Variants in FAM124B observed in about 807,000 individuals in gnomAD.
The protein encoded by FAM124B is protein FAM124B.
FAM124B carries 18 observed loss-of-function variants against 19.7 expected under a neutral mutation model. The observed-to-expected ratio is 0.92, with a 90% CI of 0.63 to 1.36. The LOEUF is 1.36. Among genes scored for constraint, FAM124B ranks in the 40% most tolerant of loss-of-function variants. The pLI is 0.00. For synonymous variants in FAM124B, 223 were observed against 225.2 expected, an observed-to-expected ratio of 0.99 and a Z score of 0.09; for missense variants, 540 against 553.3, an observed-to-expected ratio of 0.98 and a Z score of 0.24.
intron 1 of FAM124B, among the ~76,000 whole-genome samples, chr2:224,383,947 C>T (rs1335999473): frequency 6.6e-6 from 1 of 152,202 alleles, no homozygotes; most frequent in East Asian, 1.9e-4. Context: ...AGAAAGAAAT[C>T]AATAACTTTG....
chr2:224,383,489 CCTTTCCTTT>C (rs1270879082), intron 1 of FAM124B, among the ~76,000 whole-genome samples: 1 of 152,090 alleles, frequency 6.6e-6, no homozygotes, highest in East Asian at 1.9e-4. Context: ...TCCTGCCCTT[CCTTTCCTTT>C]CTTTCCTTTT....
chr2:224,383,967 C>A (rs1689763369), intron 1 of FAM124B, among the ~76,000 whole-genome samples: 2 of 152,204 alleles, frequency 1.3e-5, no homozygotes. Context: ...GACTCTGGGG[C>A]TTGTATTTCA....
chr2:224,400,563 C>A (rs1690049814), intron 1 of FAM124B: 1 of 676,096 alleles, frequency 1.5e-6, no homozygotes, highest in South Asian at 1.6e-5. Context: ...AGTATGACTT[C>A]AACTTCCTTA....
chr2:224,383,462 C>T (rs751317845), intron 1 of FAM124B, among the ~76,000 whole-genome samples: 5 of 152,044 alleles, frequency 3.3e-5, no homozygotes, highest in Non-Finnish European at 7.4e-5. Context: ...TCCTTTCTTC[C>T]TTCTCTCCTT....
intron 1 of FAM124B, among the ~76,000 whole-genome samples, chr2:224,381,000 C>T (rs1689704799): frequency 6.6e-6 from 1 of 152,124 alleles, no homozygotes; most frequent in Non-Finnish European, 1.5e-5. Context: ...AGCCTTGCAT[C>T]CTATTCCATG....
At position 224,379,179 on chromosome 2, in the gene FAM124B, G is replaced by T. The variant is rs553006292; in HGVS notation, c.*394C>A. 5 of 175,648 alleles carry T rather than the reference G, an allele frequency of 2.8e-5. No homozygotes were observed. The South Asian group carries it at 6.5e-4, about 23-fold the overall frequency. The allele number at this position is 175,648 out of a possible 1,614,324, so 10.9% of individuals were successfully genotyped here. On this transcript the variant is annotated 3_prime_UTR_variant, in exon 2 of 2. Coordinates refer to ENST00000409685, the MANE Select transcript of FAM124B (RefSeq NM_001122779.2). ...AAATAGCAGTCCATATTGTCCAGGG[G>T]GATGAGCTATGCAACCTAAGTAAAA...
intron 1 of FAM124B, among the ~76,000 whole-genome samples, chr2:224,396,362 C>T (rs1042973363): frequency 2.0e-5 from 3 of 152,154 alleles, no homozygotes; most frequent in African/African-American, 7.2e-5. Context: ...TCCTGGGCCA[C>T]CCAGCTCACG....
rs760185252 is a variant in FAM124B at position 224,385,414 on chromosome 2, C to T, written c.733-5206G>A. 6.0e-4 allele frequency among the ~76,000 whole-genome samples: 91 copies of T among 152,194 alleles called. 2 individuals are homozygous for T. Among genetic ancestry groups the T allele is most frequent in the Non-Finnish European group, 2.1e-4 (14 of 68,028 alleles). On this transcript the variant is annotated intron_variant, in intron 1 of 1. Transcript: ENST00000409685. ...CCGTTTCCATTGAGGGAGCCTCTTC[C>T]CTTGTTGGTTTATTTAATGTTGTCA...
intron 1 of FAM124B, among the ~76,000 whole-genome samples, chr2:224,390,170 A>G (rs2106082659): frequency 6.8e-6 from 1 of 146,084 alleles, no homozygotes; most frequent in Admixed American, 6.8e-5. Context: ...GAAAAGGAAT[A>G]GTCAGAGAGA....
Position 224,379,706 on chromosome 2 carries a change from T to C in FAM124B, c.1235A>G (p.Lys412Arg). 1 of 1,551,660 alleles carries C rather than the reference T, an allele frequency of 6.4e-7. No individual in the cohort carries two copies. Among genetic ancestry groups the C allele is most frequent in the Non-Finnish European group, 8.7e-7 (1 of 1,146,972 alleles). Residue 412 changes from lysine (K) to arginine (R), a missense_variant, in exon 2 of 2, where the codon AAG becomes AGG. Physicochemically the swap from Lys to Arg is conservative, Grantham distance 26. Transcript: ENST00000409685. Reference protein sequence around the residue: ...VATSKNNSVLKERVSPLPLAG... With the variant: ...VATSKNNSVLRERVSPLPLAG... ...AAGTGGCAAAGGAGAGACTCTTTCCTTAAGGACACTGTTGTTTTTGGAGGT... is the reference window on the plus strand; with the variant it reads ...AAGTGGCAAAGGAGAGACTCTTTCCCTAAGGACACTGTTGTTTTTGGAGGT...
intron 1 of FAM124B, among the ~76,000 whole-genome samples, chr2:224,394,169 G>A (rs1166191556): frequency 1.3e-5 from 2 of 152,136 alleles, no homozygotes; most frequent in Non-Finnish European, 2.9e-5. Context: ...TCCTCCGGAA[G>A]TGCACGCATT....
Position 224,379,771 on chromosome 2 carries a change from C to T in FAM124B, c.1170G>A (p.Gln390=). ...GGFPRDLQTS[Q]PPFCLPASSL... is the part of the protein sequence containing the mutation. ...AAGAGGCTGGCAAGCAGAATGGTGGCTGGCTGGTCTGTAAATCCCTTGGAA... is the reference window on the plus strand; with the variant it reads ...AAGAGGCTGGCAAGCAGAATGGTGGTTGGCTGGTCTGTAAATCCCTTGGAA... Residue 390 remains glutamine, a synonymous_variant, in exon 2 of 2, where the codon CAG becomes CAA. Transcript: ENST00000409685. The T allele has an allele frequency of 6.4e-7, 1 of 1,551,646 alleles. No individual in the cohort carries two copies. Among genetic ancestry groups the T allele is most frequent in the Non-Finnish European group, 8.7e-7 (1 of 1,146,990 alleles).
chr2:224,384,924 TC>T lies in FAM124B; in HGVS notation c.733-4717del, dbSNP rs1294021496. Among the ~76,000 whole-genome samples the T allele has an allele frequency of 2.6e-4, 40 of 152,198 alleles. 1 individual carries two copies. The highest frequency in any genetic ancestry group is 3.9e-4 in the Admixed American group (6 of 15,290). ...ATCTCTCTCCCTCTCCTTCTCTTTC[TC>T]TCTCTCTGCCTATTCCTTTCCAACA... is the stretch of plus-strand genomic sequence containing the variant. On this transcript the variant is annotated intron_variant, in intron 1 of 1. Transcript: ENST00000409685.
At position 224,401,280 on chromosome 2, in the gene FAM124B, TTC is replaced by T. The variant is rs1252304185; in HGVS notation, c.487_488del (p.Glu163SerfsTer45). Reference sequence around the variant, plus strand: ...AAAAATTGCTCTTTTGCAAGGTCGCTTCTCTCTGCAGGATCATCTCGTAGAGT... The same window carrying T: ...AAAAATTGCTCTTTTGCAAGGTCGCTTCTCTGCAGGATCATCTCGTAGAGT... ...IRLYEMILQR[E>X]ATLQKSNFCF... On this transcript the variant is annotated frameshift_variant, in exon 1 of 2. Coordinates refer to ENST00000409685, the MANE Select transcript of FAM124B (RefSeq NM_001122779.2). LOFTEE classifies it high-confidence loss of function. The T allele has an allele frequency of 6.2e-7, 1 of 1,613,800 alleles. No individual in the cohort carries two copies. The highest frequency in any genetic ancestry group is 8.5e-7 in the Non-Finnish European group (1 of 1,180,012).
chr2:224,386,150 C>G (rs1180311229), intron 1 of FAM124B, among the ~76,000 whole-genome samples: 2 of 152,216 alleles, frequency 1.3e-5, no homozygotes, highest in African/African-American at 4.8e-5. Flanking sequence ...CCTGCCTCAC[C>G]CTTTACTGTC....
chr2:224,393,318 G>A (rs746932268), intron 1 of FAM124B, among the ~76,000 whole-genome samples: 9 of 152,104 alleles, frequency 5.9e-5, no homozygotes, highest in Non-Finnish European at 1.0e-4. Context: ...ATGGATGGCC[G>A]GCAACCAACA....
At chr2:224,385,511 G>A (rs1689789250) in intron 1 of FAM124B, among the ~76,000 whole-genome samples, 1 of 152,142 alleles carries the variant, frequency 6.6e-6, no homozygotes, top group Non-Finnish European at 1.5e-5. Flanking sequence ...GGGGCATCTA[G>A]GCCTTCAGTT....
At chr2:224,400,601 C>T (rs1162287879) in intron 1 of FAM124B, 1 of 622,668 alleles carries the variant, frequency 1.6e-6, no homozygotes, top group Admixed American at 2.6e-5. Flanking sequence ...TTGTGACATT[C>T]CTGAGCCCAA....
intron 1 of FAM124B, among the ~76,000 whole-genome samples, chr2:224,380,797 G>A (rs1275161997): frequency 6.6e-5 from 10 of 152,106 alleles, no homozygotes; most frequent in Admixed American, 5.9e-4. Context: ...TAGATTAGAG[G>A]CCTGGTATTG....
Sources: gnomAD v4.1 joint callset for allele counts (sites outside exome capture counted in the v4.1 genomes callset) on GRCh38, gnomAD v4.1.1 for gene constraint, MANE v1.5 for transcripts, NCBI Gene and HGNC (gene_info 2026-07-23, HGNC 2026-07-21) for gene names.